ALOX5AP: variants seen among roughly 807,000 people sequenced by gnomAD.
ALOX5AP encodes the protein arachidonate 5-lipoxygenase activating protein.
Under a neutral mutation model 18.5 loss-of-function variants are expected in ALOX5AP, and 9 were observed. That is an observed-to-expected ratio of 0.49 (90% CI 0.29 to 0.85). ALOX5AP has a LOEUF of 0.85. Ranked by LOEUF, ALOX5AP falls within the 40% of genes least tolerant of loss-of-function variation. The pLI is 0.08. For synonymous variants in ALOX5AP, 81 were observed against 78.6 expected (o/e 1.03, Z -0.16); for missense variants, 172 against 202.5 (o/e 0.85, Z 0.91).
At chr13:30,716,065 T>TGTCTAAGGTG (rs1951547945) in intron 1 of ALOX5AP, among the ~76,000 whole-genome samples, 1 of 152,204 alleles carries the variant, frequency 6.6e-6, no homozygotes, top group Non-Finnish European at 1.5e-5. Context: ...AGCCACCACA[T>TGTCTAAGGTG]GCTAAGGAAG....
At chr13:30,751,747 G>A (rs996111328) in intron 2 of ALOX5AP, among the ~76,000 whole-genome samples, 3 of 152,146 alleles carry the variant, frequency 2.0e-5, no homozygotes, top group Non-Finnish European at 4.4e-5. Context: ...TCCAAGAAGC[G>A]CAGGGGCACC....
At chr13:30,758,693 T>C (rs1398645588) in intron 4 of ALOX5AP, among the ~76,000 whole-genome samples, 2 of 152,202 alleles carry the variant, frequency 1.3e-5, no homozygotes, top group African/African-American at 4.8e-5. Context: ...CTCTATCCTG[T>C]TTAGTTCACC....
intron 4 of ALOX5AP, among the ~76,000 whole-genome samples, chr13:30,758,002 T>C (rs1406608100): frequency 6.6e-6 from 1 of 152,042 alleles, no homozygotes; most frequent in Admixed American, 6.5e-5. Flanking sequence ...GACCCCCTTC[T>C]CCTCCCCTCT....
intron 1 of ALOX5AP, among the ~76,000 whole-genome samples, chr13:30,739,361 T>C (rs983353778): frequency 3.9e-5 from 6 of 152,242 alleles, no homozygotes; most frequent in Non-Finnish European, 4.4e-5. Flanking sequence ...CCCTGCTTTA[T>C]TCCCCTGCAC....
At chr13:30,741,577 T>G (rs976246742) in intron 1 of ALOX5AP, among the ~76,000 whole-genome samples, 9 of 123,094 alleles carry the variant, frequency 7.3e-5, no homozygotes, top group Non-Finnish European at 1.2e-4. Flanking sequence ...ACTGGCTAAT[T>G]TTTGTATTTT....
At chr13:30,724,707 C>T (rs1951624144) in intron 1 of ALOX5AP, among the ~76,000 whole-genome samples, 1 of 152,216 alleles carries the variant, frequency 6.6e-6, no homozygotes, top group African/African-American at 2.4e-5. Flanking sequence ...CACCATGGGC[C>T]ACCGTGTTGT....
intron 1 of ALOX5AP, among the ~76,000 whole-genome samples, chr13:30,728,152 G>GAGAACACC (rs1566080363): frequency 6.6e-6 from 1 of 152,164 alleles, no homozygotes; most frequent in Non-Finnish European, 1.5e-5. Context: ...AACGCCAAGG[G>GAGAACACC]AGAACACCAT....
chr13:30,760,275 G>T (rs1213385348), intron 4 of ALOX5AP, among the ~76,000 whole-genome samples: 2 of 142,860 alleles, frequency 1.4e-5, no homozygotes, highest in African/African-American at 5.0e-5. Flanking sequence ...GAGGGGGGGT[G>T]ACTGGCGGGG....
At chr13:30,727,234 G>A (rs748412782) in intron 1 of ALOX5AP, among the ~76,000 whole-genome samples, 2 of 151,476 alleles carry the variant, frequency 1.3e-5, no homozygotes, top group Non-Finnish European at 2.9e-5. Flanking sequence ...AGTAGAGAAG[G>A]TGTTTCTCCA....
intron 3 of ALOX5AP, 45 bp downstream of exon 3, chr13:30,752,167 T>A: frequency 6.3e-7 from 1 of 1,590,486 alleles, no homozygotes; most frequent in East Asian, 2.2e-5. Flanking sequence ...ATAAAGTGCA[T>A]CTCAAGGAGG....
rs114767234 is a variant in ALOX5AP, at chr13:30,757,068, G to A, written c.323+1043G>A. ...CTAATGCACTAGTATGGTTTCAGGTGCCAGGAACACGTTCTGTGAGGCTGC... is the reference window on the plus strand; with the variant it reads ...CTAATGCACTAGTATGGTTTCAGGTACCAGGAACACGTTCTGTGAGGCTGC... On this transcript the variant is annotated intron_variant, in intron 4 of 4. Transcript: ENST00000380490. Among the ~76,000 whole-genome samples the A allele has an allele frequency of 1.1e-3, 175 of 152,254 alleles. 2 individuals carry two copies. The highest frequency in any genetic ancestry group is 4.0e-3 in the African/African-American group (167 of 41,562).
At chr13:30,739,289 C>T (rs1951744315) in intron 1 of ALOX5AP, among the ~76,000 whole-genome samples, 2 of 152,226 alleles carry the variant, frequency 1.3e-5, no homozygotes, top group African/African-American at 4.8e-5. Flanking sequence ...CATGCAACTG[C>T]CTTTGCAGAG....
chr13:30,717,693 G>A lies in ALOX5AP; in HGVS notation c.116+3852G>A, dbSNP rs553496030. ...AGGAGCTTCTGTCCATGTGGAGCGG[G>A]GGTGCACCACCCTCTCAGTACATGA... On this transcript the variant is annotated intron_variant, in intron 1 of 5. Transcript: ENST00000617770. 3.9e-5 allele frequency among the ~76,000 whole-genome samples: 6 copies of A among 152,280 alleles called. No homozygotes were observed. In the South Asian group the frequency reaches 6.2e-4, roughly 16 times the overall value.
chr13:30,753,119 A>G (rs557727521), intron 3 of ALOX5AP, among the ~76,000 whole-genome samples: 1 of 152,210 alleles, frequency 6.6e-6, no homozygotes, highest in African/African-American at 2.4e-5. Context: ...AGCTGGCAAG[A>G]TGGACCACAG....
intron 1 of ALOX5AP, among the ~76,000 whole-genome samples, chr13:30,736,174 C>CT (rs1190066950): frequency 1.3e-5 from 2 of 151,332 alleles, no homozygotes; most frequent in Admixed American, 6.6e-5. Context: ...CTCTATATTA[C>CT]TTTTTTCTTT....
chr13:30,749,985 T>G (rs1951838980), intron 2 of ALOX5AP, among the ~76,000 whole-genome samples: 1 of 152,080 alleles, frequency 6.6e-6, no homozygotes, highest in South Asian at 2.1e-4. Context: ...GCATCTTTGT[T>G]TTTACCTATA....
Position 30,729,349 on chromosome 13 carries a change from A to G in ALOX5AP, c.117-6202A>G, listed in dbSNP as rs574825456. 5.9e-5 allele frequency among the ~76,000 whole-genome samples: 9 copies of G among 152,252 alleles called. No homozygotes were observed. The East Asian group carries it at 1.7e-3, about 29-fold the overall frequency. ...AGGGTCAAGGTTCATTTTCTTTTCC[A>G]TAAGAATGTACAGTTGTTCTAGCAC... On this transcript the variant is annotated intron_variant, in intron 1 of 5. Transcript: ENST00000617770.
At chr13:30,713,962 A>G in intron 1 of ALOX5AP, 2 of 1,078,842 alleles carry the variant, frequency 1.9e-6, no homozygotes, top group African/African-American at 3.2e-5. Flanking sequence ...TCCCAGAAGC[A>G]GTATTGGGCA....
chr13:30,757,232 C>T (rs1951903541), intron 4 of ALOX5AP, among the ~76,000 whole-genome samples: 1 of 152,012 alleles, frequency 6.6e-6, no homozygotes, highest in Non-Finnish European at 1.5e-5. Context: ...GTGATAAAGG[C>T]AGTGACATCC....
Sources: gnomAD v4.1 joint callset for allele counts (sites outside exome capture counted in the v4.1 genomes callset) on GRCh38, gnomAD v4.1.1 for gene constraint, MANE v1.5 for transcripts, NCBI Gene and HGNC (gene_info 2026-07-23, HGNC 2026-07-21) for gene names.